SH2D4B: variants seen among roughly 807,000 people sequenced by gnomAD.
The protein encoded by SH2D4B is SH2 domain containing 4B.
In SH2D4B, 45 loss-of-function variants were observed where a neutral mutation model predicts 61.5. The ratio of observed to expected loss-of-function variants is 0.73; its 90% confidence interval spans 0.58 to 0.94. The LOEUF (loss-of-function observed/expected upper bound fraction) is 0.94. SH2D4B is among the 40% of genes least tolerant of loss of function. The pLI, the probability that SH2D4B is intolerant of heterozygous loss-of-function variation, is 0.00. For synonymous variants in SH2D4B, 224 were observed against 220.4 expected, an observed-to-expected ratio of 1.02 and a Z score of -0.14; for missense variants, 572 against 574.2, an observed-to-expected ratio of 1.00 and a Z score of 0.04.
At chr10:80,608,077 A>C (rs892301353) in intron 5 of SH2D4B, among the ~76,000 whole-genome samples, 4 of 152,196 alleles carry the variant, frequency 2.6e-5, no homozygotes, top group African/African-American at 4.8e-5. Flanking sequence ...TTGTATTTTT[A>C]GTAGAGATGG....
intron 1 of SH2D4B, among the ~76,000 whole-genome samples, chr10:80,557,586 T>C (rs1841854914): frequency 6.6e-6 from 1 of 152,182 alleles, no homozygotes; most frequent in Non-Finnish European, 1.5e-5. Flanking sequence ...TGAACTGTTG[T>C]ATATTTTGCA....
chr10:80,565,856 C>T (rs1160952826), intron 1 of SH2D4B, among the ~76,000 whole-genome samples: 1 of 151,636 alleles, frequency 6.6e-6, no homozygotes, highest in African/African-American at 2.4e-5. Context: ...TTTGGGAGGC[C>T]GAGGCGGGCG....
intron 7 of SH2D4B, among the ~76,000 whole-genome samples, chr10:80,641,271 AGTCT>A (rs1043137914): frequency 2.6e-5 from 4 of 152,244 alleles, no homozygotes; most frequent in Non-Finnish European, 5.9e-5. Flanking sequence ...TTGAGGAGGC[AGTCT>A]GTCTGTTCTC....
At chr10:80,609,910 A>AGTG (rs1206551554) in intron 6 of SH2D4B, among the ~76,000 whole-genome samples, 1 of 152,230 alleles carries the variant, frequency 6.6e-6, no homozygotes, top group Non-Finnish European at 1.5e-5. Context: ...TCCTGGCCAC[A>AGTG]GCCTGTCACA....
intron 3 of SH2D4B, among the ~76,000 whole-genome samples, chr10:80,585,314 A>G (rs1164048727): frequency 6.9e-6 from 1 of 144,644 alleles, no homozygotes; most frequent in East Asian, 2.1e-4. Flanking sequence ...GATGGCACAG[A>G]CTCCTCTTTT....
chr10:80,544,442 C>T (rs1219116804), intron 1 of SH2D4B, among the ~76,000 whole-genome samples: 1 of 152,258 alleles, frequency 6.6e-6, no homozygotes, highest in Non-Finnish European at 1.5e-5. Flanking sequence ...GACCAAGAAC[C>T]CACCAATTCC....
Position 80,570,161 on chromosome 10 carries a change from T to G in SH2D4B, c.192T>G (p.Ser64Arg). Residue 64 changes from serine to arginine, a missense_variant, in exon 2 of 8, where the codon AGT (serine) becomes AGG (arginine). Coordinates refer to ENST00000646907, the MANE Select transcript of SH2D4B (RefSeq NM_001388272.1). The part of the protein sequence containing the change: ...LRPPKTKRAA[S>R]DKHIQWLLGA... ...CCTTCTTCTATTGTGAAGCAGCGAG[T>G]GACAAGCACATCCAATGGCTCCTAG... is the stretch of plus-strand genomic sequence containing the variant. 1.9e-6 allele frequency: 3 copies of G among 1,613,930 alleles called. No homozygotes were observed. The highest frequency in any genetic ancestry group is 2.5e-6 in the Non-Finnish European group (3 of 1,179,954).
chr10:80,566,980 C>A (rs1018189393), intron 1 of SH2D4B, among the ~76,000 whole-genome samples: 4 of 152,092 alleles, frequency 2.6e-5, no homozygotes, highest in African/African-American at 9.7e-5. Context: ...TGCTGTCTTG[C>A]GCATGTAGAA....
chr10:80,611,800 A>T lies in SH2D4B; in HGVS notation c.988+2249A>T, dbSNP rs185110835. Among the ~76,000 whole-genome samples, 1,337 of 139,146 alleles carry T rather than the reference A, an allele frequency of 9.6e-3. 16 individuals are homozygous for T. Among genetic ancestry groups the T allele is most frequent in the African/African-American group, 0.036 (1,150 of 32,260 alleles). The allele number at this position is 139,146 out of a possible 152,430, so 91.3% of individuals were successfully genotyped here. On this transcript the variant is annotated intron_variant, in intron 6 of 7. Coordinates refer to ENST00000646907, the MANE Select transcript of SH2D4B (RefSeq NM_001388272.1). ...TTCTTTTTTGACTTTTTTTTTTTTT[A>T]AAAGGTAACTTTTATATTGTCACAG... is the stretch of plus-strand genomic sequence containing the variant.
At position 80,539,627 on chromosome 10, in the gene SH2D4B, G is replaced by A. The variant is rs1307179806; in HGVS notation, c.184+1112G>A. Among the ~76,000 whole-genome samples, 1 of 152,200 alleles carries A rather than the reference G, an allele frequency of 6.6e-6. No individual in the cohort carries two copies. The highest frequency in any genetic ancestry group is 1.5e-5 in the Non-Finnish European group (1 of 68,040). On this transcript the variant is annotated intron_variant, in intron 1 of 7. Coordinates refer to ENST00000646907, the MANE Select transcript of SH2D4B (RefSeq NM_001388272.1). This position sits in a 1 kb window ranked among gnomAD's most constrained non-coding sequence, Gnocchi z 4.9. Reference sequence around the variant, plus strand: ...TTCAGGGATGCTCTTGCATAGGGCAGTACTTGCTCCTCTGTGGCTGCCTGG... The same window carrying A: ...TTCAGGGATGCTCTTGCATAGGGCAATACTTGCTCCTCTGTGGCTGCCTGG...
Position 80,571,548 on chromosome 10 carries a change from C to A in SH2D4B, c.465C>A (p.Val155=). Residue 155 remains valine, a synonymous_variant, in exon 3 of 8, where the codon GTC becomes GTA. Coordinates refer to ENST00000646907, the MANE Select transcript of SH2D4B (RefSeq NM_001388272.1). ...TGGAAGACCGCAAGGCTGCCAAAGT[C>A]CTGGAGGAACGCATCCACGAGGAAT... The part of the protein sequence containing the change: ...VEMEDRKAAK[V]LEERIHEEFK... 1 of 1,613,974 alleles carries A rather than the reference C, an allele frequency of 6.2e-7. No individual in the cohort carries two copies. Among genetic ancestry groups the A allele is most frequent in the Non-Finnish European group, 8.5e-7 (1 of 1,179,990 alleles).
intron 3 of SH2D4B, among the ~76,000 whole-genome samples, chr10:80,585,994 G>A (rs896733947): frequency 7.2e-5 from 11 of 152,160 alleles, no homozygotes; most frequent in East Asian, 3.9e-4. Context: ...CCGCCAGCCC[G>A]GGCAATGAGG....
At chr10:80,545,327 T>A (rs1841659252) in intron 1 of SH2D4B, among the ~76,000 whole-genome samples, 1 of 151,906 alleles carries the variant, frequency 6.6e-6, no homozygotes, top group South Asian at 2.1e-4. Flanking sequence ...TCCTCCTCTT[T>A]CTTCTCCTTC....
At chr10:80,612,186 T>TC (rs1184294286) in intron 6 of SH2D4B, among the ~76,000 whole-genome samples, 14 of 123,338 alleles carry the variant, frequency 1.1e-4, no homozygotes, top group African/African-American at 4.8e-4. Context: ...CTCCTGCTTT[T>TC]TTTTTTTTTT....
chr10:80,624,306 G>A (rs1448539540), intron 6 of SH2D4B, among the ~76,000 whole-genome samples: 1 of 152,212 alleles, frequency 6.6e-6, no homozygotes, highest in Admixed American at 6.5e-5. Flanking sequence ...ACCTTCTGGG[G>A]TGTGGGTTGC....
At chr10:80,604,283 G>A (rs1842490151) in intron 5 of SH2D4B, among the ~76,000 whole-genome samples, 1 of 152,308 alleles carries the variant, frequency 6.6e-6, no homozygotes, top group South Asian at 2.1e-4. Flanking sequence ...TTGCAGGCGG[G>A]TCCTCACACA....
intron 6 of SH2D4B, among the ~76,000 whole-genome samples, chr10:80,612,900 C>T (rs965347938): frequency 5.3e-5 from 8 of 152,308 alleles, no homozygotes; most frequent in Admixed American, 3.3e-4. Context: ...TAGAACTTAG[C>T]GGCTCTGAGA....
intron 6 of SH2D4B, among the ~76,000 whole-genome samples, chr10:80,615,332 G>A (rs889368464): frequency 6.6e-6 from 1 of 152,216 alleles, no homozygotes; most frequent in Non-Finnish European, 1.5e-5. Flanking sequence ...CAGTCAGCAG[G>A]GGAGCTGGGA....
chr10:80,619,285 T>C (rs1842691648), intron 6 of SH2D4B, among the ~76,000 whole-genome samples: 1 of 152,198 alleles, frequency 6.6e-6, no homozygotes. Flanking sequence ...GTTCCTCAGC[T>C]CTTCTGCATT....
Sources: gnomAD v4.1 joint callset for allele counts (sites outside exome capture counted in the v4.1 genomes callset) on GRCh38, gnomAD v4.1.1 for gene constraint, Gnocchi (gnomAD v3.1) non-coding constraint, MANE v1.5 for transcripts, NCBI Gene and HGNC (gene_info 2026-07-23, HGNC 2026-07-21) for gene names.